Variants in USP39 observed in about 807,000 individuals in gnomAD.
USP39 encodes ubiquitin specific peptidase 39, also known as ubiquitin carboxyl-terminal hydrolase 39.
USP39 carries 38 observed loss-of-function variants against 66.4 expected under a neutral mutation model. The ratio of observed to expected loss-of-function variants is 0.57; its 90% confidence interval spans 0.44 to 0.75. The LOEUF is 0.75. Among genes scored for constraint, USP39 ranks in the 30% least tolerant of loss-of-function variants. USP39 has a pLI of 0.00. For missense variants in USP39, 608 were observed against 714.4 expected (o/e 0.85, Z 1.70); for synonymous variants, 303 against 274.6 (o/e 1.10, Z -1.02).
At chr2:85,617,298 A>G (rs944331346) in intron 1 of USP39, among the ~76,000 whole-genome samples, 10 of 152,278 alleles carry the variant, frequency 6.6e-5, no homozygotes, top group African/African-American at 2.4e-4. Context: ...TCTGTAATCA[A>G]GATATTCAGA....
In USP39 at chr2:85,625,559, C is replaced by T. The variant is rs942727594; in HGVS notation, c.591C>T (p.Phe197=). The T allele has an allele frequency of 1.1e-5, 17 of 1,614,040 alleles. No individual in the cohort carries two copies. Among genetic ancestry groups the T allele is most frequent in the Non-Finnish European group, 1.4e-5 (16 of 1,179,920 alleles). Residue 197 remains phenylalanine, a synonymous_variant, in exon 5 of 13, where the codon TTC becomes TTT. Coordinates refer to ENST00000323701, the MANE Select transcript of USP39 (RefSeq NM_006590.4). ...TGCAGTATGTGTTGAAGCCCACTTT[C>T]ACAAAGCAGCAAATTGCAAACTTGG... The part of the protein sequence containing the change: ...EDITYVLKPT[F]TKQQIANLDK...
At chr2:85,625,750 G>A in intron 5 of USP39, 59 bp downstream of exon 5, 14 of 1,582,578 alleles carry the variant, frequency 8.8e-6, no homozygotes, top group Non-Finnish European at 1.2e-5. Flanking sequence ...TGAGCACAGT[G>A]GCTCACCCCT....
Position 85,625,675 on chromosome 2 carries a change from C to T in USP39, c.707C>T (p.Ala236Val), listed in dbSNP as rs1240432141. ...GLNNIKANDY[A>V]NAVLQALSNV... ...AATAACATAAAGGCCAATGATTATG[C>T]CAACGCTGTCCTTCAGGTAAGATCA... The change falls in exon 5 of 13, where the codon GCC becomes GTC. Residue 236 changes from alanine to valine, a missense_variant. Physicochemically the swap from Ala to Val is moderately conservative, Grantham distance 64. Transcript: ENST00000323701. 6.2e-7 allele frequency: 1 copy of T among 1,612,998 alleles called. No individual in the cohort carries two copies. Among genetic ancestry groups the T allele is most frequent in the Non-Finnish European group, 8.5e-7 (1 of 1,179,288 alleles).
Position 85,621,240 on chromosome 2 carries a change from T to C in USP39, c.339-245T>C, listed in dbSNP as rs1446398614. The C allele has an allele frequency of 1.0e-5, 4 of 389,176 alleles. No homozygotes were observed. The East Asian group carries it at 1.7e-4, about 16-fold the overall frequency. 24.1% of individuals were successfully genotyped at this position (389,176 alleles called of 1,614,324 possible). On this transcript the variant is annotated intron_variant, in intron 2 of 12. Coordinates refer to ENST00000323701, the MANE Select transcript of USP39 (RefSeq NM_006590.4). ...ACTGCAATGGAAAGTCCTGAACTGG[T>C]TACAAACACTAATGAGAAAGAGGCT...
chr2:85,619,214 T>G lies in USP39; in HGVS notation c.269-6T>G. On this transcript the variant is annotated splice_region_variant and splice_polypyrimidine_tract_variant and intron_variant, in intron 1 of 12. Transcript: ENST00000323701. The stretch of plus-strand genomic sequence containing the variant: ...TTTTCAAAGCCTGTGATGATTTTCC[T>G]TTCAGCAAAGAATGGCCGAGTGGAT... The G allele has an allele frequency of 6.2e-7, 1 of 1,613,946 alleles. No individual in the cohort carries two copies. Among genetic ancestry groups the G allele is most frequent in the Non-Finnish European group, 8.5e-7 (1 of 1,179,972 alleles).
upstream of USP39, chr2:85,610,874 T>C (rs1466010692): frequency 2.0e-5 from 3 of 150,872 alleles, no homozygotes; most frequent in East Asian, 6.0e-4. Flanking sequence ...TTCTCCTGCC[T>C]CAGCCTCCCG....
intron 11 of USP39, among the ~76,000 whole-genome samples, chr2:85,647,499 A>AG (rs1474863603): frequency 1.3e-5 from 2 of 148,212 alleles, no homozygotes; most frequent in African/African-American, 5.1e-5. Context: ...CCCCATTGCT[A>AG]TTAAAAAAAA....
chr2:85,612,662 C>T (rs1673640152), upstream of USP39, among the ~76,000 whole-genome samples: 1 of 149,438 alleles, frequency 6.7e-6, no homozygotes, highest in Non-Finnish European at 1.5e-5. Flanking sequence ...TTTATTTTTC[C>T]TTTTTTTTTT....
At chr2:85,618,270 T>G (rs1674152585) in intron 1 of USP39, among the ~76,000 whole-genome samples, 1 of 148,356 alleles carries the variant, frequency 6.7e-6, no homozygotes, top group African/African-American at 2.5e-5. Flanking sequence ...TTAAACTACG[T>G]AGTACATTTG....
chr2:85,619,398 C>T (rs1051211156), intron 2 of USP39, 109 bp downstream of exon 2: 1 of 1,136,956 alleles, frequency 8.8e-7, no homozygotes. Flanking sequence ...TTTTTTTGAA[C>T]CTGTCTAGAG....
At chr2:85,645,241 C>A in intron 11 of USP39, 158 bp downstream of exon 11, 7 of 929,716 alleles carry the variant, frequency 7.5e-6, no homozygotes, top group Non-Finnish European at 1.1e-5. Flanking sequence ...GGCAGTGGTT[C>A]TCAATTTTGG....
At chr2:85,620,110 G>A (rs1481034549) in intron 2 of USP39, among the ~76,000 whole-genome samples, 1 of 151,172 alleles carries the variant, frequency 6.6e-6, no homozygotes, top group Non-Finnish European at 1.5e-5. Context: ...CACCTGCCTT[G>A]GCCTCCCAAA....
intron 8 of USP39, 65 bp from the exon 9 acceptor site, chr2:85,639,138 G>A (rs553389125): frequency 7.6e-6 from 11 of 1,441,378 alleles, no homozygotes; most frequent in African/African-American, 2.9e-5. Flanking sequence ...GTAAAACATC[G>A]GTTCTGTGTT....
At chr2:85,619,137 A>T (rs1264123528) in intron 1 of USP39, 83 bp from the exon 2 acceptor site, 2 of 1,488,374 alleles carry the variant, frequency 1.3e-6, no homozygotes, top group Non-Finnish European at 1.8e-6. Flanking sequence ...AGTTTTTCCC[A>T]TTTCTGTTTC....
chr2:85,625,681 C>A lies in USP39; in HGVS notation c.713C>A (p.Ala238Asp). 6.2e-7 allele frequency: 1 copy of A among 1,613,002 alleles called. No individual in the cohort carries two copies. The highest frequency in any genetic ancestry group is 8.5e-7 in the Non-Finnish European group (1 of 1,179,274). Residue 238 changes from alanine (A) to aspartate (D), a missense_variant, in exon 5 of 13, where the codon GCT (alanine) becomes GAT (aspartate). By Grantham distance (126) the Ala-to-Asp change is moderately radical. Around this residue, in one of 6 missense-constraint regions of USP39, gnomAD observed 115 missense variants for 198.6 expected, o/e 0.58. Coordinates refer to ENST00000323701, the MANE Select transcript of USP39 (RefSeq NM_006590.4). Reference protein sequence around the residue: ...NNIKANDYANAVLQALSNVPP... With the variant: ...NNIKANDYANDVLQALSNVPP... ...ATAAAGGCCAATGATTATGCCAACGCTGTCCTTCAGGTAAGATCAAGACGG... is the reference window on the plus strand; with the variant it reads ...ATAAAGGCCAATGATTATGCCAACGATGTCCTTCAGGTAAGATCAAGACGG...
intron 11 of USP39, 178 bp downstream of exon 11, chr2:85,645,261 G>T: frequency 1.3e-6 from 1 of 753,612 alleles, no homozygotes; most frequent in Non-Finnish European, 2.0e-6. Context: ...GCTACACATT[G>T]GACTCACCTT....
intron 6 of USP39, among the ~76,000 whole-genome samples, chr2:85,631,989 G>T (rs1165680795): frequency 2.0e-5 from 3 of 151,696 alleles, no homozygotes; most frequent in African/African-American, 7.3e-5. Flanking sequence ...TGATCCACCC[G>T]CTTCGGCCTC....
chr2:85,621,319 G>A (rs572228942), intron 2 of USP39, 166 bp from the exon 3 acceptor site: 6 of 582,206 alleles, frequency 1.0e-5, no homozygotes, highest in East Asian at 5.8e-5. Context: ...GGAGCATGGC[G>A]GGTGGAGGTG....
Position 85,616,269 on chromosome 2 carries a change from C to T in USP39, c.74C>T (p.Ser25Phe). The change falls in exon 1 of 13, where the codon TCC becomes TTC. Residue 25 changes from serine (S) to phenylalanine (F), a missense_variant. Coordinates refer to ENST00000323701, the MANE Select transcript of USP39 (RefSeq NM_006590.4). Reference sequence around the variant, plus strand: ...CGAGAGTCTGAGTCGCGGGGCAGCTCCGGTCGCGTCAAGCGGGAGCGAGAT... The same window carrying T: ...CGAGAGTCTGAGTCGCGGGGCAGCTTCGGTCGCGTCAAGCGGGAGCGAGAT... ...GKRESESRGS[S>F]GRVKRERDRE... is the part of the protein sequence containing the mutation. The T allele has an allele frequency of 6.5e-7, 1 of 1,542,536 alleles. No individual in the cohort carries two copies. The highest frequency in any genetic ancestry group is 1.4e-5 in the African/African-American group (1 of 71,686).
Sources: gnomAD v4.1 joint callset for allele counts (sites outside exome capture counted in the v4.1 genomes callset) on GRCh38, gnomAD v4.1.1 for gene constraint, gnomAD v4.1.1 regional missense constraint, MANE v1.5 for transcripts, NCBI Gene and HGNC (gene_info 2026-07-23, HGNC 2026-07-21) for gene names.